The following PIAS2 variants were observed in gnomAD, a reference collection of about 807,000 sequenced individuals.
PIAS2 encodes the protein protein inhibitor of activated STAT 2.
In PIAS2, 19 loss-of-function variants were observed where a neutral mutation model predicts 69.7. The ratio of observed to expected loss-of-function variants is 0.27; its 90% confidence interval spans 0.19 to 0.40. PIAS2 has a LOEUF of 0.40. PIAS2 is among the 10% of genes least tolerant of loss of function. PIAS2 has a pLI of 1.00. For synonymous variants in PIAS2, 261 were observed against 263.2 expected (o/e 0.99, Z 0.08); for missense variants, 624 against 757.0 (o/e 0.82, Z 2.06).
chr18:46,818,020 G>A (rs2041748444), intron 12 of PIAS2: 1 of 988,756 alleles, frequency 1.0e-6, no homozygotes, highest in Non-Finnish European at 1.2e-6. Context: ...GTATTTCATG[G>A]TTGAAAATGC....
intron 10 of PIAS2, among the ~76,000 whole-genome samples, chr18:46,828,436 C>T (rs956257774): frequency 1.5e-4 from 23 of 152,198 alleles, no homozygotes; most frequent in Non-Finnish European, 3.1e-4. Context: ...TACTGCTCAT[C>T]CTGTCTCTGC....
chr18:46,844,306 T>C (rs2045857514), intron 7 of PIAS2, among the ~76,000 whole-genome samples, 179 bp from the exon 8 acceptor site: 1 of 152,128 alleles, frequency 6.6e-6, no homozygotes, highest in Admixed American at 6.5e-5. Context: ...TTTAAATTCT[T>C]AAAATTTCTT....
At chr18:46,895,028 A>C (rs1408094429) in intron 1 of PIAS2, among the ~76,000 whole-genome samples, 1 of 151,528 alleles carries the variant, frequency 6.6e-6, no homozygotes, top group Non-Finnish European at 1.5e-5. Context: ...AGTCGAGACC[A>C]TACCATTGCA....
chr18:46,836,404 A>G lies in PIAS2; in HGVS notation c.1155T>C (p.Cys385=). 6.2e-7 allele frequency: 1 copy of G among 1,614,092 alleles called. No homozygotes were observed. The highest frequency in any genetic ancestry group is 2.2e-5 in the East Asian group (1 of 44,876). The change falls in exon 9 of 14, where the codon TGT becomes TGC. Residue 385 remains cysteine (C), a synonymous_variant. Transcript: ENST00000585916. ...QMNEKKPTWI[C]PVCDKKAAYE... The stretch of plus-strand genomic sequence containing the variant: ...AGGCAGCTTTTTTGTCACACACAGG[A>G]CAAATCCAGGTGGGCTTTTTCTCAT...
At chr18:46,841,629 C>A (rs1244686733) in intron 8 of PIAS2, among the ~76,000 whole-genome samples, 1 of 152,156 alleles carries the variant, frequency 6.6e-6, no homozygotes, top group African/African-American at 2.4e-5. Flanking sequence ...TATGTTAACA[C>A]TACTACTATA....
chr18:46,815,395 A>T, intron 12 of PIAS2, 46 bp from the exon 13 acceptor site: 1 of 1,607,664 alleles, frequency 6.2e-7, no homozygotes, highest in African/African-American at 1.3e-5. Flanking sequence ...ATTTTGGGAG[A>T]CCAGAATTAT....
intron 3 of PIAS2, among the ~76,000 whole-genome samples, chr18:46,859,195 G>A (rs962641372): frequency 1.3e-4 from 20 of 152,130 alleles, no homozygotes; most frequent in South Asian, 4.1e-4. Context: ...TTGGGAGGCC[G>A]AAGCGGGTGG....
chr18:46,805,850 T>C lies in PIAS2; in HGVS notation c.*6583A>G, dbSNP rs1271733664. 2.6e-5 allele frequency: 4 copies of C among 152,260 alleles called. No homozygotes were observed. The highest frequency in any genetic ancestry group is 6.5e-5 in the Admixed American group (1 of 15,290). The allele number at this position is 152,260 out of a possible 1,614,324, so 9.4% of individuals were successfully genotyped here. Reference sequence around the variant, plus strand: ...AAAAACCAGGAATGAGCCTCATGGATGCTTCATTTCTGAAATCCCATGCTT... The same window carrying C: ...AAAAACCAGGAATGAGCCTCATGGACGCTTCATTTCTGAAATCCCATGCTT... On this transcript the variant is annotated 3_prime_UTR_variant, in exon 14 of 14. Transcript: ENST00000585916.
chr18:46,844,103 G>C lies in PIAS2; in HGVS notation c.992C>G (p.Pro331Arg). 1 of 1,514,698 alleles carries C rather than the reference G, an allele frequency of 6.6e-7. No homozygotes were observed. The highest frequency in any genetic ancestry group is 1.7e-4 in the Middle Eastern group (1 of 5,716). 93.8% of individuals were successfully genotyped at this position (1,514,698 alleles called of 1,614,324 possible). ...GCTAGTTGTAGCAATTTCACTATCA[G>C]GATCTGCAGTAAGTTTTTCTTTAAC... is the stretch of plus-strand genomic sequence containing the variant. ...ALIKEKLTAD[P>R]DSEIATTSLR... The change falls in exon 8 of 14, where the codon CCT becomes CGT. Residue 331 changes from proline to arginine, a missense_variant. By Grantham distance (103) the Pro-to-Arg change is moderately radical (BLOSUM62 -2). This residue lies in a region of PIAS2 where 339 missense variants were observed against 408.8 expected (regional missense o/e 0.83). Transcript: ENST00000585916.
intron 12 of PIAS2, chr18:46,818,499 AT>A: frequency 6.8e-7 from 1 of 1,478,538 alleles, no homozygotes; most frequent in Non-Finnish European, 9.1e-7. Flanking sequence ...ATGTTAAGAA[AT>A]GTATTAAAAC....
At chr18:46,829,204 T>A (rs680018) in intron 10 of PIAS2, among the ~76,000 whole-genome samples, 64,173 of 151,984 alleles carry the variant, frequency 0.42, 13,748 homozygotes, top group Middle Eastern at 0.5. Flanking sequence ...CTACTTAGTG[T>A]GGATGGATGC....
At chr18:46,836,300 G>T in intron 9 of PIAS2, 57 bp downstream of exon 9, 4 of 1,306,086 alleles carry the variant, frequency 3.1e-6, no homozygotes, top group Non-Finnish European at 4.4e-6. Context: ...GTGAACAAAG[G>T]CATTGCCAAC....
intron 1 of PIAS2, among the ~76,000 whole-genome samples, chr18:46,912,529 G>C (rs967808023): frequency 6.6e-6 from 1 of 152,072 alleles, no homozygotes; most frequent in Non-Finnish European, 1.5e-5. Flanking sequence ...CAAATATACT[G>C]TCTAAAAGTG....
intron 1 of PIAS2, among the ~76,000 whole-genome samples, chr18:46,898,869 C>T (rs1486407916): frequency 6.6e-6 from 1 of 151,792 alleles, no homozygotes; most frequent in East Asian, 1.9e-4. Flanking sequence ...TGGGAGGGTG[C>T]CTGTAATCCC....
chr18:46,806,352 A>G lies in PIAS2; in HGVS notation c.*6081T>C. On this transcript the variant is annotated 3_prime_UTR_variant, in exon 14 of 14. Coordinates refer to ENST00000585916, the MANE Select transcript of PIAS2 (RefSeq NM_004671.5). ...GAAAATTCTTTGCACAATGCCTGTT[A>G]CTTTTTTTTTTTTTTTTTTTTTTTT... The G allele has an allele frequency of 2.4e-5, 1 of 42,018 alleles. No individual in the cohort carries two copies. The highest frequency in any genetic ancestry group is 5.9e-5 in the Non-Finnish European group (1 of 16,860). 2.6% of individuals were successfully genotyped at this position (42,018 alleles called of 1,614,324 possible).
At chr18:46,835,714 T>C (rs1053473497) in intron 9 of PIAS2, among the ~76,000 whole-genome samples, 1 of 152,220 alleles carries the variant, frequency 6.6e-6, no homozygotes, top group African/African-American at 2.4e-5. Context: ...TTCAGTCTTT[T>C]TTAATGTCAA....
chr18:46,887,093 A>G (rs180673324), intron 2 of PIAS2, among the ~76,000 whole-genome samples: 33 of 152,302 alleles, frequency 2.2e-4, no homozygotes, highest in African/African-American at 7.7e-4. Context: ...TTTTTACTTG[A>G]TCCAATAATT....
At chr18:46,866,670 T>A (rs757939163) in intron 2 of PIAS2, among the ~76,000 whole-genome samples, 1 of 152,192 alleles carries the variant, frequency 6.6e-6, no homozygotes, top group African/African-American at 2.4e-5. Flanking sequence ...GTGATGGCAT[T>A]GAAAGGCAGG....
chr18:46,883,011 T>A (rs1384537422), intron 2 of PIAS2, among the ~76,000 whole-genome samples: 3 of 145,292 alleles, frequency 2.1e-5, no homozygotes, highest in African/African-American at 7.7e-5. Flanking sequence ...AAAAAAAAAA[T>A]CGCTTGAACC....
Sources: gnomAD v4.1 joint callset for allele counts (sites outside exome capture counted in the v4.1 genomes callset) on GRCh38, gnomAD v4.1.1 for gene constraint, gnomAD v4.1.1 regional missense constraint, MANE v1.5 for transcripts, NCBI Gene and HGNC (gene_info 2026-07-23, HGNC 2026-07-21) for gene names.